Variants in CPED1 observed in about 807,000 individuals in gnomAD.
The protein encoded by CPED1 is cadherin-like and PC-esterase domain-containing protein 1.
In CPED1, 114 loss-of-function variants were observed where a neutral mutation model predicts 128.2. The observed-to-expected ratio is 0.89, with a 90% CI of 0.76 to 1.04. CPED1 has a LOEUF of 1.04. CPED1 is among the 50% of genes least tolerant of loss of function. The pLI is 0.00. For missense variants in CPED1, 1,211 were observed against 1,207.1 expected (o/e 1.00, Z -0.05); for synonymous variants, 462 against 426.7 (o/e 1.08, Z -1.02).
At chr7:121,109,363 G>C (rs1004101915) in intron 7 of CPED1, among the ~76,000 whole-genome samples, 4 of 152,074 alleles carry the variant, frequency 2.6e-5, no homozygotes, top group Non-Finnish European at 4.4e-5. Context: ...TGTCTTCTTT[G>C]TCTCAAAACA....
rs746198196 is a variant in CPED1 at position 120,989,716 on chromosome 7, C to A, written c.95C>A (p.Thr32Asn). 3.7e-6 allele frequency: 6 copies of A among 1,613,844 alleles called. No individual in the cohort carries two copies. Among genetic ancestry groups the A allele is most frequent in the Non-Finnish European group, 4.2e-6 (5 of 1,180,018 alleles). ...GTGGCAATCTGTCTCTTCTACCAGA[C>A]TCTGACCCTCCGAGGGTCGAGGAAG... ...LVVAICLFYQ[T>N]LTLRGSRKLT... The change falls in exon 2 of 23, where the codon ACT becomes AAT. Residue 32 changes from threonine (T) to asparagine (N), a missense_variant. Thr to Asn is a moderately conservative substitution (Grantham distance 65). Coordinates refer to ENST00000310396, the MANE Select transcript of CPED1 (RefSeq NM_024913.5).
chr7:121,126,737 G>C (rs9641657), intron 9 of CPED1, among the ~76,000 whole-genome samples: 1 of 151,528 alleles, frequency 6.6e-6, no homozygotes, highest in South Asian at 2.1e-4. Flanking sequence ...TCATTGTTTT[G>C]CATGCATACC....
intron 3 of CPED1, among the ~76,000 whole-genome samples, chr7:121,019,883 G>T (rs939656231): frequency 6.6e-5 from 10 of 151,986 alleles, no homozygotes; most frequent in African/African-American, 2.4e-4. Context: ...TATCATGTAA[G>T]TGCTGTTTAG....
At chr7:121,088,326 G>C (rs1279583029) in intron 5 of CPED1, among the ~76,000 whole-genome samples, 1 of 152,118 alleles carries the variant, frequency 6.6e-6, no homozygotes, top group East Asian at 1.9e-4. Flanking sequence ...CAAATGATAA[G>C]AGATGATTAC....
At chr7:121,262,014 G>T in intron 18 of CPED1, 1 of 347,430 alleles carries the variant, frequency 2.9e-6, no homozygotes, top group South Asian at 2.6e-5. Context: ...TTTGGGTCAT[G>T]GGGATGGATC....
At chr7:121,108,863 A>G (rs1254286866) in intron 7 of CPED1, among the ~76,000 whole-genome samples, 1 of 152,126 alleles carries the variant, frequency 6.6e-6, no homozygotes, top group East Asian at 1.9e-4. Flanking sequence ...ACCCTGTCCC[A>G]TTGCCCAAAA....
intron 22 of CPED1, among the ~76,000 whole-genome samples, chr7:121,290,629 C>G (rs1297239742): frequency 3.3e-5 from 5 of 152,138 alleles, no homozygotes; most frequent in Non-Finnish European, 7.4e-5. Flanking sequence ...CTGTTCATAT[C>G]CTTCACCCAC....
In CPED1 at chr7:121,060,667, A is replaced by G. The variant is rs146498947; in HGVS notation, c.541-3571A>G. On this transcript the variant is annotated intron_variant, in intron 4 of 22. Transcript: ENST00000310396. ...CTAGCTCAGGGATTGTAAACGCACC[A>G]ATCAGTGCCCTGTCAAAACAGACTA... Among the ~76,000 whole-genome samples, 880 of 152,272 alleles carry G rather than the reference A, an allele frequency of 5.8e-3. 7 individuals carry two copies. Among genetic ancestry groups the G allele is most frequent in the Non-Finnish European group, 0.01 (699 of 67,996 alleles).
intron 5 of CPED1, among the ~76,000 whole-genome samples, chr7:121,068,684 G>A (rs1364965811): frequency 1.3e-5 from 2 of 149,738 alleles, no homozygotes; most frequent in African/African-American, 2.5e-5. Flanking sequence ...GGATGGCATT[G>A]AATCTATAAA....
chr7:121,151,522 T>C (rs1009895682), intron 16 of CPED1, among the ~76,000 whole-genome samples: 1 of 152,240 alleles, frequency 6.6e-6, no homozygotes, highest in African/African-American at 2.4e-5. Context: ...AATTGTGTGC[T>C]TTTTTCAATG....
intron 16 of CPED1, among the ~76,000 whole-genome samples, chr7:121,155,606 G>A (rs1796266859): frequency 6.6e-6 from 1 of 152,130 alleles, no homozygotes; most frequent in Non-Finnish European, 1.5e-5. Context: ...CATATAATGG[G>A]GAAAGGACAG....
intron 4 of CPED1, chr7:121,051,177 A>G: frequency 1.9e-6 from 1 of 518,746 alleles, no homozygotes; most frequent in Non-Finnish European, 3.9e-6. Context: ...CCTCTGATGA[A>G]GCAGGAGAGA....
rs972313593 is a variant in CPED1 at position 121,262,041 on chromosome 7, G to C, written c.2311-4186G>C. The C allele has an allele frequency of 9.7e-5, 29 of 299,590 alleles. 1 individual carries two copies. The Admixed American group carries it at 1.5e-3, about 15-fold the overall frequency. 18.6% of individuals were successfully genotyped at this position (299,590 alleles called of 1,614,324 possible). A position where few individuals can be genotyped will look rare whatever the true frequency, so the allele number is the denominator to read the frequency against. ...GGATGGATCCTTCATGAATAGCTTGGTGCCTTCCCCACAGTAATTACTCAC... is the reference window on the plus strand; with the variant it reads ...GGATGGATCCTTCATGAATAGCTTGCTGCCTTCCCCACAGTAATTACTCAC... On this transcript the variant is annotated intron_variant, in intron 18 of 22. Coordinates refer to ENST00000310396, the MANE Select transcript of CPED1 (RefSeq NM_024913.5).
In CPED1 at chr7:120,989,595, C is replaced by T; in HGVS notation, c.-27C>T. On this transcript the variant is annotated 5_prime_UTR_variant, in exon 2 of 23. Transcript: ENST00000310396. ...GCTATGACTTTTCCCGCAACGTGGA[C>T]AGGGGCCAAGTGAAGCTGAACTGGT... The T allele has an allele frequency of 6.2e-7, 1 of 1,608,928 alleles. No individual in the cohort carries two copies. The highest frequency in any genetic ancestry group is 8.5e-7 in the Non-Finnish European group (1 of 1,177,684).
At chr7:121,123,572 G>A (rs1184569949) in intron 7 of CPED1, among the ~76,000 whole-genome samples, 6 of 152,054 alleles carry the variant, frequency 3.9e-5, no homozygotes, top group Non-Finnish European at 8.8e-5. Context: ...TTGATATGAA[G>A]CATCCTCAAG....
At chr7:121,114,361 T>C (rs1270439129) in intron 7 of CPED1, among the ~76,000 whole-genome samples, 2 of 152,216 alleles carry the variant, frequency 1.3e-5, no homozygotes, top group African/African-American at 4.8e-5. Flanking sequence ...AAGAGCTCAA[T>C]GCCTGAGGCA....
chr7:121,129,771 C>G (rs1219173502), intron 11 of CPED1, among the ~76,000 whole-genome samples: 1 of 151,774 alleles, frequency 6.6e-6, no homozygotes, highest in Middle Eastern at 3.2e-3. Flanking sequence ...ATATTTCTCA[C>G]TCTGACATAA....
intron 14 of CPED1, among the ~76,000 whole-genome samples, chr7:121,136,917 A>C (rs1795796675): frequency 6.6e-6 from 1 of 152,026 alleles, no homozygotes; most frequent in African/African-American, 2.4e-5. Flanking sequence ...AGAAAAGAAA[A>C]AGAAAAACTC....
At chr7:121,207,704 G>A (rs988243076) in intron 16 of CPED1, among the ~76,000 whole-genome samples, 1 of 151,986 alleles carries the variant, frequency 6.6e-6, no homozygotes, top group African/African-American at 2.4e-5. Flanking sequence ...TACTGTGTAG[G>A]TTTTTGAGGT....
Sources: allele counts gnomAD v4.1 joint callset (sites outside exome capture counted in the v4.1 genomes callset), GRCh38; gene constraint gnomAD v4.1.1; transcripts MANE v1.5; gene names NCBI Gene and HGNC (gene_info 2026-07-23, HGNC 2026-07-21).